ZNF469: variants seen among roughly 807,000 people sequenced by gnomAD.
ZNF469 encodes the protein zinc finger protein 469.
ZNF469 carries 1 observed loss-of-function variant against 1.0 expected under a neutral mutation model. The ratio of observed to expected loss-of-function variants is 1.00; its 90% confidence interval spans 0.35 to 4.73. ZNF469 has a LOEUF of 4.73. ZNF469 is among the 30% of genes most tolerant of loss of function. The pLI, the probability that ZNF469 is intolerant of heterozygous loss-of-function variation, is 0.16. For synonymous variants in ZNF469, 2,703 were observed against 2,363.4 expected (o/e 1.14, Z -4.17); for missense variants, 6,100 against 5,356.3 (o/e 1.14, Z -4.33).
chr16:88,321,065 C>T, the ZNF469 span, among the ~76,000 whole-genome samples: 1 of 152,262 alleles, frequency 6.6e-6, no homozygotes, highest in African/African-American at 2.4e-5. Flanking sequence ...TGAGGGCCTT[C>T]CTCAGCCAGT....
intron 2 of ZNF469, among the ~76,000 whole-genome samples, chr16:88,427,118 G>C (rs1267627098): frequency 6.6e-6 from 1 of 151,840 alleles, no homozygotes; most frequent in African/African-American, 2.4e-5. Flanking sequence ...TTCTCCCTAA[G>C]ACAGGGAAGG....
chr16:88,250,271 C>T, the ZNF469 span, among the ~76,000 whole-genome samples: 6 of 152,154 alleles, frequency 3.9e-5, no homozygotes, highest in East Asian at 1.9e-4. Flanking sequence ...GAGTTAGTCT[C>T]GCCTATTTGA....
chr16:88,246,876 T>C, the ZNF469 span, among the ~76,000 whole-genome samples: 2 of 150,168 alleles, frequency 1.3e-5, no homozygotes, highest in African/African-American at 4.9e-5. Context: ...AATGAGTGAG[T>C]GAATGAATGA....
At chr16:88,392,983 C>T (rs968049266) in intron 1 of ZNF469, among the ~76,000 whole-genome samples, 13 of 152,236 alleles carry the variant, frequency 8.5e-5, no homozygotes, top group East Asian at 1.9e-4. Flanking sequence ...TCCCGGAGTC[C>T]GCCAGGTCCT....
At chr16:88,291,769 C>T in the ZNF469 span, among the ~76,000 whole-genome samples, 171 of 152,300 alleles carry the variant, frequency 1.1e-3, no homozygotes, top group African/African-American at 3.9e-3. Flanking sequence ...ATTGGATCCT[C>T]CCTGCGTCTG....
the ZNF469 span, among the ~76,000 whole-genome samples, chr16:88,257,260 A>G: frequency 6.6e-6 from 1 of 151,802 alleles, no homozygotes; most frequent in Non-Finnish European, 1.5e-5. Flanking sequence ...CACCGTGCCC[A>G]GCCGGGAGCA....
the ZNF469 span, among the ~76,000 whole-genome samples, chr16:88,107,741 C>T: frequency 1.3e-5 from 2 of 152,232 alleles, no homozygotes; most frequent in Non-Finnish European, 2.9e-5. Context: ...GCAGAGATTA[C>T]AGGGAAGCAG....
intron 1 of ZNF469, among the ~76,000 whole-genome samples, chr16:88,401,653 GGATGGGTA>G (rs1904868199): frequency 6.6e-6 from 1 of 152,042 alleles, no homozygotes; most frequent in Admixed American, 6.6e-5. Flanking sequence ...ATACATGGGT[GGATGGGTA>G]GATGGATGGG....
the ZNF469 span, among the ~76,000 whole-genome samples, chr16:88,148,866 C>T: frequency 2.0e-5 from 3 of 152,122 alleles, no homozygotes; most frequent in African/African-American, 7.2e-5. Context: ...ACCTCTTGTG[C>T]CGGGGGGTTC....
chr16:88,232,563 A>G, the ZNF469 span, among the ~76,000 whole-genome samples: 72,325 of 152,078 alleles, frequency 0.48, 18,321 homozygotes, highest in Middle Eastern at 0.59. Flanking sequence ...TGTCCCAGTT[A>G]ACGCTGTCCT....
chr16:88,436,251 G>C lies in ZNF469; in HGVS notation c.8781G>C (p.Glu2927Asp). The C allele has an allele frequency of 6.5e-7, 1 of 1,549,802 alleles. No individual in the cohort carries two copies. Residue 2927 changes from glutamate (E) to aspartate (D), a missense_variant, in exon 3 of 3, where the codon GAG (glutamate) becomes GAC (aspartate). Physicochemically the swap from Glu to Asp is conservative, Grantham distance 45. Transcript: ENST00000565624. ...GCCTCTGCCATGAGGACCCGTGGGA[G>C]GACGAGGATCCCGCAGGTCTGCCCG... is the stretch of plus-strand genomic sequence containing the variant. The part of the protein sequence containing the change: ...SLCLCHEDPW[E>D]DEDPAGLPES...
intron 1 of ZNF469, among the ~76,000 whole-genome samples, chr16:88,395,987 A>T (rs1904647324): frequency 6.6e-6 from 1 of 152,210 alleles, no homozygotes; most frequent in Non-Finnish European, 1.5e-5. Flanking sequence ...CCTCCCAGCC[A>T]TGTGCTCAGG....
chr16:88,185,477 T>G, the ZNF469 span, among the ~76,000 whole-genome samples: 15 of 133,382 alleles, frequency 1.1e-4, no homozygotes, highest in Non-Finnish European at 1.8e-4. Context: ...CTCACACATT[T>G]GCACACTCAC....
chr16:88,144,034 G>A, the ZNF469 span, among the ~76,000 whole-genome samples: 2 of 150,024 alleles, frequency 1.3e-5, no homozygotes, highest in Non-Finnish European at 2.9e-5. Context: ...AAACGGCGCA[G>A]GGTCAGAGGC....
chr16:88,222,107 T>C, the ZNF469 span, among the ~76,000 whole-genome samples: 123,095 of 151,816 alleles, frequency 0.81, 50,837 homozygotes, highest in Non-Finnish European at 0.9. Context: ...GTTTCATCTT[T>C]GCCCTAGGCA....
the ZNF469 span, among the ~76,000 whole-genome samples, chr16:88,366,233 TCAC>T: frequency 6.6e-6 from 1 of 150,456 alleles, no homozygotes; most frequent in African/African-American, 2.5e-5. Flanking sequence ...ATCATAATCG[TCAC>T]CACAACCACC....
the ZNF469 span, among the ~76,000 whole-genome samples, chr16:88,336,492 CAT>C: frequency 7.4e-6 from 1 of 135,302 alleles, no homozygotes. Context: ...TCATCCTTCA[CAT>C]GAGACACATG....
the ZNF469 span, among the ~76,000 whole-genome samples, chr16:88,136,041 G>A: frequency 0.068 from 10,410 of 152,086 alleles, 1,190 homozygotes; most frequent in African/African-American, 0.24. Context: ...TTACAGGCGT[G>A]AGCCACCGCG....
At chr16:88,293,436 G>C in the ZNF469 span, among the ~76,000 whole-genome samples, 1 of 152,016 alleles carries the variant, frequency 6.6e-6, no homozygotes, top group African/African-American at 2.4e-5. Context: ...TGGTTAAATC[G>C]GTACGTGGTA....
Sources: gnomAD v4.1 joint callset for allele counts (sites outside exome capture counted in the v4.1 genomes callset) on GRCh38, gnomAD v4.1.1 for gene constraint, MANE v1.5 for transcripts, NCBI Gene and HGNC (gene_info 2026-07-23, HGNC 2026-07-21) for gene names.